Variants in MEA1 observed in about 807,000 individuals in gnomAD.
The protein encoded by MEA1 is Male-enhanced antigen (H-Y structural gene).
MEA1 carries 22 observed loss-of-function variants against 21.4 expected under a neutral mutation model. That is an observed-to-expected ratio of 1.03 (90% CI 0.73 to 1.47). The LOEUF is 1.47. Ranked by LOEUF, MEA1 falls within the 40% of genes most tolerant of loss-of-function variation. The pLI is 0.00. For missense variants in MEA1, 233 were observed against 230.5 expected (o/e 1.01, Z -0.07); for synonymous variants, 91 against 85.5 (o/e 1.06, Z -0.35).
In MEA1 at chr6:43,012,326, A is replaced by C; in HGVS notation, c.*144T>G. ...GTCCCCATATGTACAGAACTGAATA[A>C]AGTGGGTCTCTGAGAAGTCTGATGT... On this transcript the variant is annotated 3_prime_UTR_variant, in exon 4 of 4. Transcript: ENST00000244711. The C allele has an allele frequency of 1.4e-6, 2 of 1,470,030 alleles. No individual in the cohort carries two copies. Among genetic ancestry groups the C allele is most frequent in the Non-Finnish European group, 1.8e-6 (2 of 1,111,840 alleles). The allele number at this position is 1,470,030 out of a possible 1,614,324, so 91.1% of individuals were successfully genotyped here.
chr6:43,016,704 C>G (rs1173855161), upstream of MEA1: 1 of 162,710 alleles, frequency 6.1e-6, no homozygotes, highest in African/African-American at 2.4e-5. Context: ...CTATTAATAG[C>G]TGTGAGTATT....
At chr6:43,016,863 G>C (rs1021938746), upstream of MEA1, 4 of 346,542 alleles carry the variant, frequency 1.2e-5, no homozygotes, top group Non-Finnish European at 2.2e-5. Flanking sequence ...AGTAGGTTGT[G>C]ACCATGATAT....
chr6:43,015,588 G>A (rs373902820), upstream of MEA1, among the ~76,000 whole-genome samples: 2 of 152,218 alleles, frequency 1.3e-5, no homozygotes, highest in African/African-American at 2.4e-5. Flanking sequence ...GGTGGCTCAC[G>A]CCTGTAATCC....
intron 1 of MEA1, 160 bp from the exon 2 acceptor site, chr6:43,013,549 T>C: frequency 2.3e-6 from 2 of 874,208 alleles, no homozygotes; most frequent in Non-Finnish European, 3.5e-6. Context: ...CTCTCGTTCC[T>C]CCCCCTCCTA....
Position 43,013,379 on chromosome 6 carries a change from C to T in MEA1, c.39G>A (p.Arg13=). The change falls in exon 2 of 4, where the codon CGG becomes CGA. Residue 13 remains arginine (R), a synonymous_variant. Transcript: ENST00000244711. ...CTCCTCCTAGAACTACTGTTGCCAT[C>T]CGGGCAGGGGCTGCAAGAACAGGGA... The part of the protein sequence containing the change: ...PERHLSGAPA[R]MATVVLGGDT... The T allele has an allele frequency of 1.2e-6, 2 of 1,613,154 alleles. No individual in the cohort carries two copies.
In MEA1 at chr6:43,013,312, C is replaced by T. The variant is rs764761304; in HGVS notation, c.106G>A (p.Glu36Lys). ...TCTGAAGGGCCCTGATGTCCCAGTT[C>T]CTCAGTCTGATTGGGGAAGATACGC... ...PERIFPNQTEELGHQGPSEGT... is the reference protein window; with the variant it reads ...PERIFPNQTEKLGHQGPSEGT... The change falls in exon 2 of 4, where the codon GAA becomes AAA. Residue 36 changes from glutamate (E) to lysine (K), a missense_variant. Glu to Lys is a moderately conservative substitution (Grantham distance 56). Coordinates refer to ENST00000244711, the MANE Select transcript of MEA1 (RefSeq NM_014623.4). 4 of 1,614,138 alleles carry T rather than the reference C, an allele frequency of 2.5e-6. No individual in the cohort carries two copies. The highest frequency in any genetic ancestry group is 2.2e-5 in the South Asian group (2 of 91,090).
chr6:43,013,125 T>C lies in MEA1; in HGVS notation c.293A>G (p.Asp98Gly). Residue 98 changes from aspartate (D) to glycine (G), a missense_variant, in exon 2 of 4, where the codon GAT becomes GGT. By Grantham distance (94) the Asp-to-Gly change is moderately conservative. Transcript: ENST00000244711. ...CCTCCTCCACCCTACCTGGATTCGATCCTGGATGTCAGCAACTACATCTCC... is the reference window on the plus strand; with the variant it reads ...CCTCCTCCACCCTACCTGGATTCGACCCTGGATGTCAGCAACTACATCTCC... ...GDGDVVADIQ[D>G]RIQALGLHLP... The C allele has an allele frequency of 6.2e-7, 1 of 1,614,010 alleles. No homozygotes were observed. The highest frequency in any genetic ancestry group is 8.5e-7 in the Non-Finnish European group (1 of 1,180,014).
upstream of MEA1, chr6:43,014,477 GGGAAA>G (rs1762508155): frequency 1.9e-6 from 1 of 513,260 alleles, no homozygotes; most frequent in Non-Finnish European, 3.8e-6. Flanking sequence ...GGGGGATGAT[GGGAAA>G]GGAGAGTGTT....
rs762989587 is a variant in MEA1, at chr6:43,011,200, C to G, written c.*1270G>C. On this transcript the variant is annotated 3_prime_UTR_variant, in exon 4 of 4. Transcript: ENST00000244711. Reference sequence around the variant, plus strand: ...AGTGCTGCTGCGGAGGAAGTCGGAGCTGCCCCAGGACGTGTACACCATCAA... The same window carrying G: ...AGTGCTGCTGCGGAGGAAGTCGGAGGTGCCCCAGGACGTGTACACCATCAA... The G allele has an allele frequency of 6.2e-7, 1 of 1,614,020 alleles. No homozygotes were observed.
upstream of MEA1, chr6:43,016,795 C>T (rs770121791): frequency 3.3e-5 from 7 of 212,426 alleles, no homozygotes; most frequent in Non-Finnish European, 4.8e-5. Flanking sequence ...GAGAATATAC[C>T]GTTTGGGAAG....
At chr6:43,013,749 C>G in intron 1 of MEA1, 37 bp downstream of exon 1, 37 of 1,511,520 alleles carry the variant, frequency 2.4e-5, no homozygotes, top group Non-Finnish European at 3.1e-5. Context: ...GGCGTACCCG[C>G]CCCCTTCTCC....
intron 1 of MEA1, 85 bp from the exon 2 acceptor site, chr6:43,013,474 G>A: frequency 6.8e-7 from 1 of 1,475,542 alleles, no homozygotes; most frequent in Non-Finnish European, 9.1e-7. Flanking sequence ...GTAGTCTCCT[G>A]CGTGCAAAAA....
At chr6:43,014,367 A>G, upstream of MEA1, 1 of 610,662 alleles carries the variant, frequency 1.6e-6, no homozygotes, top group Non-Finnish European at 3.0e-6. Flanking sequence ...GGATGGGTAG[A>G]AGGGCAAGGG....
chr6:43,012,629 CAG>C lies in MEA1; in HGVS notation c.407-10_407-9del, dbSNP rs1561855187. ...TCACCAGCTCTACATGTTCTGAAATCAGAGCCAGAGGCCATTCAGGCATAGAA... is the reference window on the plus strand; with the variant it reads ...TCACCAGCTCTACATGTTCTGAAATCAGCCAGAGGCCATTCAGGCATAGAA... On this transcript the variant is annotated splice_polypyrimidine_tract_variant and intron_variant, in intron 3 of 3. Coordinates refer to ENST00000244711, the MANE Select transcript of MEA1 (RefSeq NM_014623.4). The C allele has an allele frequency of 1.3e-6, 2 of 1,590,352 alleles. No homozygotes were observed. The highest frequency in any genetic ancestry group is 1.7e-6 in the Non-Finnish European group (2 of 1,169,904).
chr6:43,011,477 A>G lies in MEA1; in HGVS notation c.*993T>C. On this transcript the variant is annotated 3_prime_UTR_variant, in exon 4 of 4. Transcript: ENST00000244711. ...TCCCTCTTCTCCCCAAAAGGTGTTC[A>G]TGCCTCCCTGTGGCTAGTACAGGCT... 1 of 730,600 alleles carries G rather than the reference A, an allele frequency of 1.4e-6. No homozygotes were observed. The highest frequency in any genetic ancestry group is 1.9e-5 in the South Asian group (1 of 53,356). The allele number at this position is 730,600 out of a possible 1,614,324, so 45.3% of individuals were successfully genotyped here. A position where few individuals can be genotyped will look rare whatever the true frequency, so the allele number is the denominator to read the frequency against.
At position 43,011,388 on chromosome 6, in the gene MEA1, C is replaced by A; in HGVS notation, c.*1082G>T. 1.4e-6 allele frequency: 2 copies of A among 1,474,226 alleles called. No individual in the cohort carries two copies. The highest frequency in any genetic ancestry group is 1.4e-5 in the African/African-American group (1 of 71,520). The allele number at this position is 1,474,226 out of a possible 1,614,324, so 91.3% of individuals were successfully genotyped here. Reference sequence around the variant, plus strand: ...TACTGGCTGTCTTGGGGGAAGGCAGCGCCTCTCTAGCTACTCAAGGGAGGG... The same window carrying A: ...TACTGGCTGTCTTGGGGGAAGGCAGAGCCTCTCTAGCTACTCAAGGGAGGG... On this transcript the variant is annotated 3_prime_UTR_variant, in exon 4 of 4. Transcript: ENST00000244711.
At chr6:43,015,876 C>A (rs1350466234), upstream of MEA1, among the ~76,000 whole-genome samples, 1 of 140,148 alleles carries the variant, frequency 7.1e-6, no homozygotes, top group African/African-American at 3.0e-5. Context: ...AAAAAAAAGA[C>A]CATGACTTCT....
chr6:43,013,903 C>G lies in MEA1; in HGVS notation c.-90G>C, dbSNP rs1156771927. 6.7e-7 allele frequency: 1 copy of G among 1,494,032 alleles called. No individual in the cohort carries two copies. Among genetic ancestry groups the G allele is most frequent in the Non-Finnish European group, 8.9e-7 (1 of 1,121,986 alleles). The allele number at this position is 1,494,032 out of a possible 1,614,324, so 92.5% of individuals were successfully genotyped here. Reference sequence around the variant, plus strand: ...GGTGTTCCCGCGCGCCTCACCCGCTCAGAGCCCGCGGCCTCCACTTCCGGC... The same window carrying G: ...GGTGTTCCCGCGCGCCTCACCCGCTGAGAGCCCGCGGCCTCCACTTCCGGC... On this transcript the variant is annotated 5_prime_UTR_variant, in exon 1 of 4. Coordinates refer to ENST00000244711, the MANE Select transcript of MEA1 (RefSeq NM_014623.4).
intron 1 of MEA1, 72 bp from the exon 2 acceptor site, chr6:43,013,461 C>T (rs1311518844): frequency 6.6e-7 from 1 of 1,524,180 alleles, no homozygotes; most frequent in East Asian, 2.3e-5. Flanking sequence ...TCATCATCTC[C>T]TTGTAGTCTC....
Sources: gnomAD v4.1 joint callset for allele counts (sites outside exome capture counted in the v4.1 genomes callset) on GRCh38, gnomAD v4.1.1 for gene constraint, MANE v1.5 for transcripts, NCBI Gene and HGNC (gene_info 2026-07-23, HGNC 2026-07-21) for gene names.